Variants in RSU1 observed in about 807,000 individuals in gnomAD.
The protein encoded by RSU1 is rsu-1.
In RSU1, 26 loss-of-function variants were observed where a neutral mutation model predicts 31.1. The observed-to-expected ratio is 0.84, with a 90% confidence interval of 0.61 to 1.16. RSU1 has a LOEUF of 1.16. Among genes scored for constraint, RSU1 ranks in the 50% most tolerant of loss-of-function variants. RSU1 has a pLI of 0.00. For missense variants in RSU1, 320 were observed against 339.1 expected (o/e 0.94, Z 0.44); for synonymous variants, 164 against 136.3 (o/e 1.20, Z -1.41).
chr10:16,726,323 A>G (rs1836393408), intron 7 of RSU1, among the ~76,000 whole-genome samples: 1 of 143,322 alleles, frequency 7.0e-6, no homozygotes, highest in East Asian at 2.0e-4. Context: ...GTTAGAGTGC[A>G]GTGGCGCAAT....
At chr10:16,810,802 G>A (rs758873525) in intron 2 of RSU1, among the ~76,000 whole-genome samples, 4 of 152,118 alleles carry the variant, frequency 2.6e-5, no homozygotes, top group East Asian at 1.9e-4. Context: ...CAGGCAGATC[G>A]CTTGAGTCCA....
chr10:16,645,934 ATGTGTATATATATGTG>A (rs1409021385), intron 8 of RSU1, among the ~76,000 whole-genome samples: 1 of 17,212 alleles, frequency 5.8e-5, no homozygotes, highest in African/African-American at 1.5e-4. Flanking sequence ...ATATACACAT[ATGTGTATATATATGTG>A]TATATACATA....
At chr10:16,728,534 C>A (rs1441996280) in intron 7 of RSU1, among the ~76,000 whole-genome samples, 1 of 152,146 alleles carries the variant, frequency 6.6e-6, no homozygotes, top group Non-Finnish European at 1.5e-5. Context: ...ACAAACGCAA[C>A]GGAACTATGA....
At chr10:16,668,607 T>C (rs1390852874) in intron 8 of RSU1, among the ~76,000 whole-genome samples, 1 of 152,178 alleles carries the variant, frequency 6.6e-6, no homozygotes, top group African/African-American at 2.4e-5. Flanking sequence ...CATGGTTTTT[T>C]TTCCCCCCAA....
At chr10:16,767,245 G>A (rs1303548237) in intron 3 of RSU1, 1 of 152,158 alleles carries the variant, frequency 6.6e-6, no homozygotes, top group Non-Finnish European at 1.5e-5. Context: ...GTGAAACCAG[G>A]AGAAAATGAT....
chr10:16,646,439 T>C (rs1024751672), intron 8 of RSU1, among the ~76,000 whole-genome samples: 1 of 152,190 alleles, frequency 6.6e-6, no homozygotes, highest in Non-Finnish European at 1.5e-5. Context: ...TGTTTACAGA[T>C]GAACCATCAC....
chr10:16,608,375 T>C (rs1833839361), intron 8 of RSU1, among the ~76,000 whole-genome samples: 1 of 152,126 alleles, frequency 6.6e-6, no homozygotes, highest in Non-Finnish European at 1.5e-5. Flanking sequence ...AGTAATGATA[T>C]TTTAAAAATC....
intron 8 of RSU1, among the ~76,000 whole-genome samples, chr10:16,613,896 C>T (rs1364461995): frequency 6.6e-6 from 1 of 151,892 alleles, no homozygotes; most frequent in Non-Finnish European, 1.5e-5. Context: ...ATGAAGATCA[C>T]ATGTGTGTAA....
chr10:16,718,366 C>A (rs967228283), intron 7 of RSU1, among the ~76,000 whole-genome samples: 6 of 152,084 alleles, frequency 3.9e-5, no homozygotes, highest in South Asian at 2.1e-4. Flanking sequence ...AAAATAACAA[C>A]CTTAGGCAGT....
intron 4 of RSU1, among the ~76,000 whole-genome samples, chr10:16,757,756 A>G (rs1837129272): frequency 6.6e-6 from 1 of 152,228 alleles, no homozygotes; most frequent in African/African-American, 2.4e-5. Flanking sequence ...GCTCTGATAC[A>G]AGGATTCTGA....
chr10:16,733,413 C>G (rs1479344735), intron 7 of RSU1, among the ~76,000 whole-genome samples: 1 of 150,740 alleles, frequency 6.6e-6, no homozygotes, highest in Non-Finnish European at 1.5e-5. Flanking sequence ...GAGGCTGAGG[C>G]AGGAGTGTTG....
At chr10:16,701,526 ATT>A (rs1835792600) in intron 7 of RSU1, among the ~76,000 whole-genome samples, 1 of 152,196 alleles carries the variant, frequency 6.6e-6, no homozygotes, top group South Asian at 2.1e-4. Context: ...CATTCTGTAC[ATT>A]TAATGCATGC....
At chr10:16,785,917 C>A (rs1169528685) in intron 2 of RSU1, among the ~76,000 whole-genome samples, 1 of 152,162 alleles carries the variant, frequency 6.6e-6, no homozygotes, top group Non-Finnish European at 1.5e-5. Flanking sequence ...CTGTTCCTCA[C>A]CAAACTCTAA....
At chr10:16,768,220 C>A (rs1837353380) in intron 3 of RSU1, among the ~76,000 whole-genome samples, 1 of 152,194 alleles carries the variant, frequency 6.6e-6, no homozygotes, top group African/African-American at 2.4e-5. Context: ...CAACTCATAA[C>A]CTCTCTGGGC....
At chr10:16,617,497 A>G (rs1833997455) in intron 8 of RSU1, among the ~76,000 whole-genome samples, 1 of 152,234 alleles carries the variant, frequency 6.6e-6, no homozygotes, top group Non-Finnish European at 1.5e-5. Flanking sequence ...TTTACCTTTC[A>G]CATGGAACCA....
At chr10:16,673,356 T>C (rs1490295198) in intron 8 of RSU1, among the ~76,000 whole-genome samples, 2 of 152,246 alleles carry the variant, frequency 1.3e-5, no homozygotes, top group African/African-American at 2.4e-5. Context: ...GCTACAAATT[T>C]TTCTTTTTAC....
chr10:16,746,953 C>T (rs551116801), intron 7 of RSU1, among the ~76,000 whole-genome samples: 4 of 152,262 alleles, frequency 2.6e-5, no homozygotes, highest in Admixed American at 6.5e-5. Flanking sequence ...GTGCATTCCA[C>T]TGTCCTGTCC....
At chr10:16,662,403 C>G (rs1834905655) in intron 8 of RSU1, among the ~76,000 whole-genome samples, 1 of 152,216 alleles carries the variant, frequency 6.6e-6, no homozygotes, top group Admixed American at 6.5e-5. Flanking sequence ...ACACTACACA[C>G]CTAAAAGAGA....
rs977003553 is a variant in RSU1, at chr10:16,746,535, G to C, written c.598+6004C>G. ...GAAACCATGGAATGCTCAGGAAAGA[G>C]AATTATGCAAAACACAGAATCCAGA... On this transcript the variant is annotated intron_variant, in intron 7 of 8. Coordinates refer to ENST00000345264, the MANE Select transcript of RSU1 (RefSeq NM_012425.4). Among the ~76,000 whole-genome samples the C allele has an allele frequency of 1.5e-4, 23 of 152,138 alleles. No individual in the cohort carries two copies. In the Middle Eastern group the frequency reaches 0.01, roughly 67 times the overall value.
Sources: allele counts gnomAD v4.1 joint callset (sites outside exome capture counted in the v4.1 genomes callset), GRCh38; gene constraint gnomAD v4.1.1; transcripts MANE v1.5; gene names NCBI Gene and HGNC (gene_info 2026-07-23, HGNC 2026-07-21).